CNTNAP2: variants seen among roughly 807,000 people sequenced by gnomAD.
CNTNAP2 encodes the protein contactin-associated protein-like 2.
CNTNAP2 carries 98 observed loss-of-function variants against 155.2 expected under a neutral mutation model. The ratio of observed to expected loss-of-function variants is 0.63; its 90% CI spans 0.54 to 0.75. The LOEUF (loss-of-function observed/expected upper bound fraction) is 0.75. CNTNAP2 is among the 30% of genes least tolerant of loss of function. CNTNAP2 has a pLI of 0.00. For synonymous variants in CNTNAP2, 651 were observed against 631.2 expected, an observed-to-expected ratio of 1.03 and a Z score of -0.47; for missense variants, 1,727 against 1,688.1, an observed-to-expected ratio of 1.02 and a Z score of -0.40.
chr7:146,552,560 A>T (rs1798137763), intron 1 of CNTNAP2, among the ~76,000 whole-genome samples: 1 of 152,100 alleles, frequency 6.6e-6, no homozygotes, highest in South Asian at 2.1e-4. Context: ...AGCCAGAAAG[A>T]TCCTGTTAAT....
At chr7:147,645,589 G>A (rs1323612751) in intron 13 of CNTNAP2, among the ~76,000 whole-genome samples, 1 of 152,190 alleles carries the variant, frequency 6.6e-6, no homozygotes, top group African/African-American at 2.4e-5. Context: ...CACTGTAATT[G>A]AAGGGGACAG....
chr7:147,971,292 T>G (rs1482772783), intron 14 of CNTNAP2, among the ~76,000 whole-genome samples: 5 of 152,184 alleles, frequency 3.3e-5, no homozygotes, highest in Non-Finnish European at 2.9e-5. Flanking sequence ...CTCATTGAAG[T>G]ATAATTTAAA....
Position 146,323,630 on chromosome 7 carries a change from A to G in CNTNAP2, c.97+206657A>G, listed in dbSNP as rs369956264. 7.2e-5 allele frequency among the ~76,000 whole-genome samples: 11 copies of G among 152,298 alleles called. No individual in the cohort carries two copies. In the East Asian group the frequency reaches 1.9e-3, roughly 27 times the overall value. On this transcript the variant is annotated intron_variant, in intron 1 of 23. Coordinates refer to ENST00000361727, the MANE Select transcript of CNTNAP2 (RefSeq NM_014141.6). ...ACAATATTATCCATAATATGGATCT[A>G]TGATAGGTCCATAAATAATATTGTT...
chr7:146,795,171 T>A (rs548051719), intron 2 of CNTNAP2, among the ~76,000 whole-genome samples: 1 of 152,366 alleles, frequency 6.6e-6, no homozygotes, highest in South Asian at 2.1e-4. Flanking sequence ...GAGCAATCTC[T>A]ACCTTATATA....
chr7:147,709,172 C>G (rs991029434), intron 13 of CNTNAP2, among the ~76,000 whole-genome samples: 1 of 152,060 alleles, frequency 6.6e-6, no homozygotes, highest in Non-Finnish European at 1.5e-5. Flanking sequence ...AGGCAATGGC[C>G]GAGCAGAATG....
intron 1 of CNTNAP2, among the ~76,000 whole-genome samples, chr7:146,483,048 A>G (rs1271267218): frequency 6.6e-6 from 1 of 150,934 alleles, no homozygotes; most frequent in Admixed American, 6.6e-5. Flanking sequence ...AGGCCGAGGC[A>G]GGCGGATCAT....
At chr7:148,246,805 G>T (rs1016027900) in intron 20 of CNTNAP2, among the ~76,000 whole-genome samples, 2 of 152,174 alleles carry the variant, frequency 1.3e-5, no homozygotes, top group African/African-American at 2.4e-5. Flanking sequence ...AGAAAGTGCA[G>T]TTTCATTTAT....
chr7:147,045,825 T>C (rs1209723682), intron 4 of CNTNAP2, among the ~76,000 whole-genome samples: 5 of 152,002 alleles, frequency 3.3e-5, no homozygotes, highest in African/African-American at 1.2e-4. Flanking sequence ...CACACACATA[T>C]ATATAGGTAT....
intron 21 of CNTNAP2, among the ~76,000 whole-genome samples, chr7:148,305,772 C>A (rs1047507347): frequency 6.6e-6 from 1 of 152,182 alleles, no homozygotes; most frequent in Non-Finnish European, 1.5e-5. Context: ...ATGATCCAAT[C>A]ATCTCCCACC....
chr7:146,899,064 C>T (rs991213757), intron 3 of CNTNAP2, among the ~76,000 whole-genome samples: 1 of 152,086 alleles, frequency 6.6e-6, no homozygotes, highest in Admixed American at 6.6e-5. Flanking sequence ...CTTAAAATAG[C>T]CTCTTTAGTT....
At chr7:146,761,284 TGGAAGGAAGGAAGGAA>T (rs369635102) in intron 1 of CNTNAP2, among the ~76,000 whole-genome samples, 11,828 of 144,616 alleles carry the variant, frequency 0.082, 520 homozygotes, top group African/African-American at 0.092. Flanking sequence ...TCATAATTGC[TGGAAGGAAGGAAGGAA>T]GGAAGGAAGG....
chr7:147,266,037 A>T (rs6970364), intron 8 of CNTNAP2, among the ~76,000 whole-genome samples: 19,834 of 147,876 alleles, frequency 0.13, 1,372 homozygotes, highest in Non-Finnish European at 0.15. Flanking sequence ...ATGAGAAAGA[A>T]TCAACCAAAA....
intron 10 of CNTNAP2, among the ~76,000 whole-genome samples, chr7:147,440,027 T>C (rs1387683752): frequency 1.3e-5 from 2 of 152,024 alleles, no homozygotes; most frequent in African/African-American, 4.8e-5. Flanking sequence ...ATTCAGCCAC[T>C]TCTTTTCATT....
At chr7:148,320,614 C>T (rs550826735) in intron 21 of CNTNAP2, among the ~76,000 whole-genome samples, 144 of 151,944 alleles carry the variant, frequency 9.5e-4, no homozygotes, top group African/African-American at 3.3e-3. Context: ...AAACTCCTGA[C>T]CTCAGGTGAT....
chr7:147,678,034 A>G (rs56339188), intron 13 of CNTNAP2, among the ~76,000 whole-genome samples: 13,200 of 151,850 alleles, frequency 0.087, 927 homozygotes, highest in Admixed American at 0.2. Context: ...TAATACAATT[A>G]ATAAATGCAT....
At chr7:146,731,575 G>A (rs1279225307) in intron 1 of CNTNAP2, among the ~76,000 whole-genome samples, 1 of 152,074 alleles carries the variant, frequency 6.6e-6, no homozygotes, top group East Asian at 1.9e-4. Context: ...TCTAAAAAAT[G>A]ATCTGTAGGC....
At chr7:147,576,621 A>G (rs1402497706) in intron 12 of CNTNAP2, among the ~76,000 whole-genome samples, 1 of 152,116 alleles carries the variant, frequency 6.6e-6, no homozygotes, top group Admixed American at 6.6e-5. Flanking sequence ...TAAAGAGTTC[A>G]CTAGATTCTT....
At chr7:147,862,575 G>C (rs147228222) in intron 13 of CNTNAP2, among the ~76,000 whole-genome samples, 34 of 151,914 alleles carry the variant, frequency 2.2e-4, no homozygotes, top group African/African-American at 8.2e-4. Context: ...TTTATAACTG[G>C]GACCCCTTAC....
intron 1 of CNTNAP2, among the ~76,000 whole-genome samples, chr7:146,263,427 A>T (rs1322384528): frequency 6.6e-6 from 1 of 152,058 alleles, no homozygotes; most frequent in Non-Finnish European, 1.5e-5. Context: ...TTCAATTCTA[A>T]CCTCTCTGGA....
Sources: allele counts gnomAD v4.1 joint callset (sites outside exome capture counted in the v4.1 genomes callset), GRCh38; gene constraint gnomAD v4.1.1; transcripts MANE v1.5; gene names NCBI Gene and HGNC (gene_info 2026-07-23, HGNC 2026-07-21).